Variants in KLF12 observed in about 807,000 individuals in gnomAD.
KLF12 encodes the protein KLF transcription factor 12.
In KLF12, 9 loss-of-function variants were observed where a neutral mutation model predicts 37.8. That is an observed-to-expected ratio of 0.24 (90% CI 0.14 to 0.42). KLF12 has a LOEUF of 0.42. KLF12 is among the 10% of genes least tolerant of loss of function. The pLI is 1.00. For missense variants in KLF12, 411 were observed against 516.0 expected (o/e 0.80, Z 1.97); for synonymous variants, 208 against 202.1 (o/e 1.03, Z -0.25).
the KLF12 span, among the ~76,000 whole-genome samples, chr13:74,248,742 G>A: frequency 1.3e-5 from 2 of 152,156 alleles, no homozygotes; most frequent in African/African-American, 4.8e-5. Context: ...GCCATGGGGA[G>A]GAAGCAGACA....
chr13:73,940,047 A>T (rs1890119585), intron 3 of KLF12, among the ~76,000 whole-genome samples: 1 of 152,134 alleles, frequency 6.6e-6, no homozygotes, highest in Non-Finnish European at 1.5e-5. Context: ...CAGCTGGTGA[A>T]CTGCAGGGCC....
chr13:73,852,124 C>T (rs1027983501), intron 3 of KLF12, among the ~76,000 whole-genome samples: 3 of 152,164 alleles, frequency 2.0e-5, no homozygotes, highest in Non-Finnish European at 4.4e-5. Context: ...TTTTGTATTA[C>T]TAAAAAGGGA....
intron 4 of KLF12, among the ~76,000 whole-genome samples, chr13:73,833,131 T>A (rs1410943609): frequency 2.6e-5 from 4 of 152,250 alleles, no homozygotes; most frequent in African/African-American, 9.6e-5. Context: ...TACTATTATA[T>A]AAGAAACTTA....
At chr13:74,108,453 T>G (rs1876783437) in intron 1 of KLF12, among the ~76,000 whole-genome samples, 1 of 152,180 alleles carries the variant, frequency 6.6e-6, no homozygotes, top group African/African-American at 2.4e-5. Flanking sequence ...AAATTTTATA[T>G]GAAGAGCAAA....
chr13:74,134,281 T>C (rs1162762768), upstream of KLF12, among the ~76,000 whole-genome samples: 3 of 150,706 alleles, frequency 2.0e-5, no homozygotes, highest in Admixed American at 2.0e-4. Flanking sequence ...AGCCCCGGGG[T>C]GGGGCCGAGG....
chr13:74,091,587 C>T (rs1329157851), intron 1 of KLF12, among the ~76,000 whole-genome samples: 1 of 152,130 alleles, frequency 6.6e-6, no homozygotes, highest in African/African-American at 2.4e-5. Flanking sequence ...TACTGAAGAA[C>T]ATCTTGGTTG....
chr13:74,206,195 C>T, the KLF12 span, among the ~76,000 whole-genome samples: 1 of 151,974 alleles, frequency 6.6e-6, no homozygotes, highest in Admixed American at 6.6e-5. Flanking sequence ...TTATAGGGCC[C>T]TTCTTATTTT....
At chr13:73,996,105 G>T (rs1399625411) in intron 1 of KLF12, among the ~76,000 whole-genome samples, 5 of 152,290 alleles carry the variant, frequency 3.3e-5, no homozygotes, top group African/African-American at 1.2e-4. Context: ...CCATAGGCTT[G>T]ACCAGTGAAG....
the KLF12 span, among the ~76,000 whole-genome samples, chr13:74,263,643 G>A: frequency 1.4e-3 from 210 of 152,266 alleles, no homozygotes; most frequent in African/African-American, 4.7e-3. Context: ...CTGTCACTGA[G>A]GCAGGAGAAT....
rs577976550 is a variant in KLF12 at position 73,869,139 on chromosome 13, TACAG to T, written c.124-22770_124-22767del. 3.8e-3 allele frequency among the ~76,000 whole-genome samples: 574 copies of T among 152,240 alleles called. 3 individuals are homozygous for T. The highest frequency in any genetic ancestry group is 0.013 in the African/African-American group (532 of 41,550). On this transcript the variant is annotated intron_variant, in intron 3 of 7. Transcript: ENST00000377669. The stretch of plus-strand genomic sequence containing the variant: ...TGTGTTATACAATTTTAAAAAAACT[TACAG>T]AAACAAAAAAGTCCTTAATTTAGAC...
intron 5 of KLF12, among the ~76,000 whole-genome samples, chr13:73,777,407 T>C (rs1880675910): frequency 6.6e-6 from 1 of 152,006 alleles, no homozygotes; most frequent in South Asian, 2.1e-4. Flanking sequence ...CAAGATAGTG[T>C]CATATAAGAA....
At chr13:73,938,864 CG>C (rs1044011152) in intron 3 of KLF12, among the ~76,000 whole-genome samples, 40 of 152,126 alleles carry the variant, frequency 2.6e-4, no homozygotes, top group Non-Finnish European at 5.9e-5. Context: ...GGAGTATTGA[CG>C]TGATTCTATA....
chr13:74,296,879 C>G, the KLF12 span, among the ~76,000 whole-genome samples: 1 of 152,164 alleles, frequency 6.6e-6, no homozygotes, highest in Non-Finnish European at 1.5e-5. Context: ...GTAGGGAACT[C>G]TTGTCTACAA....
chr13:74,012,208 C>T (rs1892568367), intron 1 of KLF12, among the ~76,000 whole-genome samples: 1 of 152,188 alleles, frequency 6.6e-6, no homozygotes, highest in Non-Finnish European at 1.5e-5. Context: ...ATTTTTATCT[C>T]ACCAGATTAT....
At chr13:74,138,433 C>T (rs1878619671), upstream of KLF12, among the ~76,000 whole-genome samples, 1 of 152,112 alleles carries the variant, frequency 6.6e-6, no homozygotes, top group Non-Finnish European at 1.5e-5. Flanking sequence ...GGGAATTTTC[C>T]TGTTCAAGTA....
the KLF12 span, among the ~76,000 whole-genome samples, chr13:74,274,055 T>A: frequency 6.6e-6 from 1 of 152,150 alleles, no homozygotes; most frequent in Non-Finnish European, 1.5e-5. Context: ...CCGAAAATCA[T>A]CTTAATTTGA....
At chr13:74,099,279 G>A (rs1876166640) in intron 1 of KLF12, among the ~76,000 whole-genome samples, 1 of 152,128 alleles carries the variant, frequency 6.6e-6, no homozygotes, top group African/African-American at 2.4e-5. Flanking sequence ...CCCAGCAATT[G>A]AGGCTGCAGT....
At chr13:74,056,261 T>G (rs1174272415) in intron 1 of KLF12, among the ~76,000 whole-genome samples, 1 of 152,116 alleles carries the variant, frequency 6.6e-6, no homozygotes, top group African/African-American at 2.4e-5. Context: ...CCATATTGGG[T>G]GTACACAGCA....
chr13:74,122,488 C>G (rs1218918891), intron 1 of KLF12, among the ~76,000 whole-genome samples: 4 of 152,054 alleles, frequency 2.6e-5, no homozygotes, highest in Admixed American at 6.5e-5. Flanking sequence ...CTTGTCAAAG[C>G]AATGTGGCAA....
Sources: gnomAD v4.1 joint callset for allele counts (sites outside exome capture counted in the v4.1 genomes callset) on GRCh38, gnomAD v4.1.1 for gene constraint, MANE v1.5 for transcripts, NCBI Gene and HGNC (gene_info 2026-07-23, HGNC 2026-07-21) for gene names.